SNTG2: variants seen among roughly 807,000 people sequenced by gnomAD.
The protein encoded by SNTG2 is syntrophin gamma 2, also known as gamma-2-syntrophin.
SNTG2 carries 74 observed loss-of-function variants against 70.9 expected under a neutral mutation model. The ratio of observed to expected loss-of-function variants is 1.04; its 90% CI spans 0.86 to 1.27. The LOEUF is 1.27. Ranked by LOEUF, SNTG2 falls within the 50% of genes most tolerant of loss-of-function variation. The pLI is 0.00. For missense variants in SNTG2, 717 were observed against 690.7 expected (o/e 1.04, Z -0.43); for synonymous variants, 278 against 273.8 (o/e 1.02, Z -0.15).
chr2:1,006,978 G>T lies in SNTG2; in HGVS notation c.72+55910G>T, dbSNP rs550504584. The stretch of plus-strand genomic sequence containing the variant: ...TGGGAAGTGAAAGTTTCAGTGAGCC[G>T]AGATTGTGCCACTGCACCCCAGCCT... On this transcript the variant is annotated intron_variant, in intron 1 of 16. Transcript: ENST00000308624. Among the ~76,000 whole-genome samples, 15 of 152,176 alleles carry T rather than the reference G, an allele frequency of 9.9e-5. No individual in the cohort carries two copies. The South Asian group carries it at 2.9e-3, about 29-fold the overall frequency.
chr2:1,218,191 T>A (rs1674523052), intron 9 of SNTG2, among the ~76,000 whole-genome samples: 1 of 152,162 alleles, frequency 6.6e-6, no homozygotes, highest in African/African-American at 2.4e-5. Flanking sequence ...TCCTTCACTC[T>A]GACCTCTAGA....
intron 1 of SNTG2, among the ~76,000 whole-genome samples, chr2:984,438 G>T (rs1426955992): frequency 6.6e-6 from 1 of 151,884 alleles, no homozygotes; most frequent in Non-Finnish European, 1.5e-5. Flanking sequence ...ATTTCTCCAC[G>T]GTCCAAGCAG....
In SNTG2 at chr2:991,407, A is replaced by ACACACACT. The variant is rs1553305482; in HGVS notation, c.72+40339_72+40340insCACACACT. ...CACACACACACACACACACACACAC[A>ACACACACT]ATTATGACTTTAATTCTAGAATGAC... On this transcript the variant is annotated intron_variant, in intron 1 of 16. Transcript: ENST00000308624. 2.7e-3 allele frequency among the ~76,000 whole-genome samples: 401 copies of ACACACACT among 151,228 alleles called. 1 individual carries two copies. The highest frequency in any genetic ancestry group is 4.4e-3 in the Non-Finnish European group (299 of 67,784).
intron 16 of SNTG2, among the ~76,000 whole-genome samples, chr2:1,342,081 A>G (rs1355358835): frequency 6.6e-6 from 1 of 152,126 alleles, no homozygotes; most frequent in African/African-American, 2.4e-5. Context: ...TGGAAAAGAT[A>G]TTTTCCTTTA....
chr2:1,116,941 C>CCCTGGCATGTGGGTG (rs1667045038), intron 4 of SNTG2, among the ~76,000 whole-genome samples: 1 of 137,542 alleles, frequency 7.3e-6, no homozygotes, highest in African/African-American at 3.0e-5. Context: ...CGTGTGGGTG[C>CCCTGGCATGTGGGTG]CCTGGCGTGT....
intron 1 of SNTG2, among the ~76,000 whole-genome samples, chr2:1,020,128 A>G (rs2148009235): frequency 6.6e-6 from 1 of 152,304 alleles, no homozygotes; most frequent in Admixed American, 6.5e-5. Flanking sequence ...ATCTCTTCTG[A>G]TATTAACAAT....
chr2:1,301,644 G>A (rs1003003288), intron 14 of SNTG2, among the ~76,000 whole-genome samples: 3 of 152,134 alleles, frequency 2.0e-5, no homozygotes, highest in Admixed American at 1.3e-4. Context: ...TTATAGTGGC[G>A]TTCTCATCAG....
chr2:1,096,662 T>G (rs1405388306), intron 2 of SNTG2, among the ~76,000 whole-genome samples: 1 of 152,224 alleles, frequency 6.6e-6, no homozygotes, highest in Non-Finnish European at 1.5e-5. Flanking sequence ...ATTTCCTTCT[T>G]TATGGCTGAA....
chr2:1,151,497 T>G (rs1050045493), intron 6 of SNTG2, among the ~76,000 whole-genome samples: 3 of 152,220 alleles, frequency 2.0e-5, no homozygotes, highest in African/African-American at 7.2e-5. Context: ...TCGCTCTTTC[T>G]GCAGGAACAC....
intron 8 of SNTG2, among the ~76,000 whole-genome samples, chr2:1,183,012 C>G (rs1167418076): frequency 1.3e-5 from 2 of 152,174 alleles, no homozygotes; most frequent in African/African-American, 4.8e-5. Flanking sequence ...TCCTCAGCCC[C>G]CTAAAATGCT....
At chr2:966,995 T>C (rs976035428) in intron 1 of SNTG2, among the ~76,000 whole-genome samples, 1 of 152,124 alleles carries the variant, frequency 6.6e-6, no homozygotes, top group Non-Finnish European at 1.5e-5. Flanking sequence ...TTAATGGCTA[T>C]ATTTTTAATT....
At chr2:1,283,204 C>T (rs1440509087) in intron 14 of SNTG2, among the ~76,000 whole-genome samples, 1 of 152,168 alleles carries the variant, frequency 6.6e-6, no homozygotes, top group African/African-American at 2.4e-5. Context: ...CGCCCTAACT[C>T]CTCAGCCGCA....
intron 1 of SNTG2, among the ~76,000 whole-genome samples, chr2:1,009,997 C>G (rs1004615674): frequency 3.9e-5 from 6 of 152,120 alleles, no homozygotes; most frequent in Non-Finnish European, 7.3e-5. Flanking sequence ...AGGAGCAGTA[C>G]TTTTGCTGGT....
intron 1 of SNTG2, among the ~76,000 whole-genome samples, chr2:1,082,279 T>C (rs1664374545): frequency 6.6e-6 from 1 of 152,228 alleles, no homozygotes; most frequent in Non-Finnish European, 1.5e-5. Context: ...TAAATCCTTT[T>C]GCTATTTGAT....
Position 1,237,919 on chromosome 2 carries a change from G to A in SNTG2, c.751G>A (p.Gly251Arg), listed in dbSNP as rs201600518. 131 of 1,606,144 alleles carry A rather than the reference G, an allele frequency of 8.2e-5. 1 individual carries two copies. The East Asian group carries it at 2.1e-3, about 25-fold the overall frequency. Residue 251 changes from glycine to arginine, a missense_variant, in exon 10 of 17, where the codon GGA (glycine) becomes AGA (arginine). Coordinates refer to ENST00000308624, the MANE Select transcript of SNTG2 (RefSeq NM_018968.4). Reference protein sequence around the residue: ...WNAFEVLALDGVSSGILRFYT... With the variant: ...WNAFEVLALDRVSSGILRFYT... ...TGCGTTCGAGGTGCTCGCCCTGGAC[G>A]GAGTCAGCTCTGGGATCCTCCGGTT...
At chr2:1,144,798 A>T (rs1668993880) in intron 6 of SNTG2, among the ~76,000 whole-genome samples, 1 of 152,206 alleles carries the variant, frequency 6.6e-6, no homozygotes, top group African/African-American at 2.4e-5. Flanking sequence ...CCCGTAACAC[A>T]TGGGAATTAT....
At chr2:1,238,289 CCTCT>C (rs995635516) in intron 10 of SNTG2, among the ~76,000 whole-genome samples, 8 of 152,270 alleles carry the variant, frequency 5.3e-5, no homozygotes, top group Admixed American at 2.0e-4. Context: ...TCCCTCCCTT[CCTCT>C]CTCTTTCTCT....
At chr2:1,075,065 A>T (rs1663828656) in intron 1 of SNTG2, among the ~76,000 whole-genome samples, 1 of 152,272 alleles carries the variant, frequency 6.6e-6, no homozygotes, top group Admixed American at 6.5e-5. Context: ...GAGATCCAAT[A>T]TTCTCCTCAT....
intron 1 of SNTG2, among the ~76,000 whole-genome samples, chr2:1,012,336 G>A (rs896379072): frequency 7.2e-5 from 11 of 152,160 alleles, no homozygotes; most frequent in East Asian, 1.9e-4. Flanking sequence ...TCTCATCCTC[G>A]GTGCAAGTGG....
Sources: gnomAD v4.1 joint callset for allele counts (sites outside exome capture counted in the v4.1 genomes callset) on GRCh38, gnomAD v4.1.1 for gene constraint, MANE v1.5 for transcripts, NCBI Gene and HGNC (gene_info 2026-07-23, HGNC 2026-07-21) for gene names.